CADM1: variants seen among roughly 807,000 people sequenced by gnomAD.
CADM1 encodes the protein TSLC-1.
In CADM1, 15 loss-of-function variants were observed where a neutral mutation model predicts 53.1. The ratio of observed to expected loss-of-function variants is 0.28; its 90% CI spans 0.19 to 0.44. The LOEUF is 0.44. Ranked by LOEUF, CADM1 falls within the 20% of genes least tolerant of loss-of-function variation. The pLI, the probability that CADM1 is intolerant of heterozygous loss-of-function variation, is 1.00. For synonymous variants in CADM1, 281 were observed against 243.0 expected, an observed-to-expected ratio of 1.16 and a Z score of -1.45; for missense variants, 434 against 611.3, an observed-to-expected ratio of 0.71 and a Z score of 3.06.
intron 9 of CADM1, 69 bp downstream of exon 9, chr11:115,198,337 C>G: frequency 9.1e-6 from 11 of 1,213,256 alleles, no homozygotes; most frequent in Non-Finnish European, 1.3e-5. Context: ...CTACATTTCT[C>G]TTTTTCCCAG....
chr11:115,260,462 G>A (rs1224818630), intron 1 of CADM1, among the ~76,000 whole-genome samples: 1 of 152,208 alleles, frequency 6.6e-6, no homozygotes, highest in Non-Finnish European at 1.5e-5. Context: ...TGGCCAGTGG[G>A]CCTCTCTATC....
chr11:115,191,591 G>A (rs45605138), intron 9 of CADM1, among the ~76,000 whole-genome samples: 1,639 of 152,270 alleles, frequency 0.011, 8 homozygotes, highest in Non-Finnish European at 0.017. Context: ...GGCTTGAAAT[G>A]CCTATATCCG....
At chr11:115,407,873 TAAAAAAAAAA>T (rs148209064) in intron 1 of CADM1, among the ~76,000 whole-genome samples, 29 of 31,744 alleles carry the variant, frequency 9.1e-4, no homozygotes, top group South Asian at 5.1e-3. Context: ...CCCTGTCATT[TAAAAAAAAAA>T]AAAAAAAAAA....
chr11:115,394,589 C>T (rs923974018), intron 1 of CADM1, among the ~76,000 whole-genome samples: 2 of 152,210 alleles, frequency 1.3e-5, no homozygotes, highest in East Asian at 3.9e-4. Flanking sequence ...TATTGAAAAA[C>T]GAAAACATGA....
chr11:115,221,453 T>C (rs969282428), intron 5 of CADM1, among the ~76,000 whole-genome samples: 3 of 152,142 alleles, frequency 2.0e-5, no homozygotes, highest in East Asian at 3.9e-4. Context: ...ATTAAAAAAA[T>C]AATATTAGAA....
At chr11:115,481,062 C>A (rs1949247836) in intron 1 of CADM1, among the ~76,000 whole-genome samples, 1 of 151,906 alleles carries the variant, frequency 6.6e-6, no homozygotes, top group Non-Finnish European at 1.5e-5. Flanking sequence ...CTCCCTAATT[C>A]AAAAAAATAC....
intron 1 of CADM1, among the ~76,000 whole-genome samples, chr11:115,384,873 C>A (rs1346469195): frequency 6.6e-6 from 1 of 152,234 alleles, no homozygotes; most frequent in African/African-American, 2.4e-5. Context: ...TTTACCCAAT[C>A]CTTGTTCAAG....
chr11:115,402,855 TGTAGAA>T (rs1206339126), intron 1 of CADM1, among the ~76,000 whole-genome samples: 2 of 152,096 alleles, frequency 1.3e-5, no homozygotes, highest in Admixed American at 6.5e-5. Flanking sequence ...CTAGCAGAGA[TGTAGAA>T]GTAGATTTAT....
chr11:115,230,156 T>C (rs1182959909), intron 4 of CADM1, among the ~76,000 whole-genome samples: 1 of 152,166 alleles, frequency 6.6e-6, no homozygotes, highest in Non-Finnish European at 1.5e-5. Flanking sequence ...ACCTAGGAAG[T>C]AGGAGATTAA....
intron 1 of CADM1, among the ~76,000 whole-genome samples, chr11:115,265,605 C>G (rs1250387150): frequency 6.6e-6 from 1 of 152,140 alleles, no homozygotes; most frequent in Non-Finnish European, 1.5e-5. Flanking sequence ...TTGAATACAC[C>G]TACCTGTGTT....
intron 1 of CADM1, among the ~76,000 whole-genome samples, chr11:115,379,656 G>A (rs1946525692): frequency 6.6e-6 from 1 of 152,168 alleles, no homozygotes; most frequent in Non-Finnish European, 1.5e-5. Flanking sequence ...AAAACCCTGT[G>A]TTATGAAGAC....
intron 1 of CADM1, among the ~76,000 whole-genome samples, chr11:115,272,986 T>C (rs1375433247): frequency 6.6e-6 from 1 of 152,082 alleles, no homozygotes; most frequent in Admixed American, 6.5e-5. Context: ...TGCTCATTGG[T>C]AGGCTGATCA....
At chr11:115,339,150 G>T (rs1472598928) in intron 1 of CADM1, among the ~76,000 whole-genome samples, 1 of 149,134 alleles carries the variant, frequency 6.7e-6, no homozygotes, top group Non-Finnish European at 1.5e-5. Context: ...GCGGTGTTTG[G>T]TTTTTTGTTC....
At chr11:115,341,457 A>G (rs1945443487) in intron 1 of CADM1, among the ~76,000 whole-genome samples, 1 of 152,226 alleles carries the variant, frequency 6.6e-6, no homozygotes, top group African/African-American at 2.4e-5. Context: ...AATATAAAAT[A>G]AACCACAAGA....
At chr11:115,414,850 A>G (rs1466517209) in intron 1 of CADM1, among the ~76,000 whole-genome samples, 1 of 152,194 alleles carries the variant, frequency 6.6e-6, no homozygotes. Context: ...ATTCCTCATT[A>G]TTAGTTTCAC....
At chr11:115,289,630 C>T (rs1943831500) in intron 1 of CADM1, among the ~76,000 whole-genome samples, 1 of 129,808 alleles carries the variant, frequency 7.7e-6, no homozygotes, top group Non-Finnish European at 1.6e-5. Flanking sequence ...GAGTCTCGCT[C>T]TGTCGCCCAG....
chr11:115,432,627 A>AAT (rs1226838159), intron 1 of CADM1, among the ~76,000 whole-genome samples: 1 of 152,242 alleles, frequency 6.6e-6, no homozygotes, highest in Non-Finnish European at 1.5e-5. Context: ...TAAGAATTTC[A>AAT]ATATTTGTAT....
chr11:115,255,981 G>A (rs370819855), intron 1 of CADM1, among the ~76,000 whole-genome samples: 2 of 152,190 alleles, frequency 1.3e-5, no homozygotes, highest in South Asian at 2.1e-4. Flanking sequence ...ACCCTTAGTG[G>A]GGTCTGTCAG....
chr11:115,274,112 T>C (rs778834522), intron 1 of CADM1, among the ~76,000 whole-genome samples: 6 of 152,278 alleles, frequency 3.9e-5, no homozygotes, highest in African/African-American at 1.4e-4. Context: ...AAGGAGCATG[T>C]GAATTCATCT....
Sources: gnomAD v4.1 joint callset for allele counts (sites outside exome capture counted in the v4.1 genomes callset) on GRCh38, gnomAD v4.1.1 for gene constraint, MANE v1.5 for transcripts, NCBI Gene and HGNC (gene_info 2026-07-23, HGNC 2026-07-21) for gene names.